The following SLC35D4 variants were observed in gnomAD, a reference collection of about 807,000 sequenced individuals.
SLC35D4 encodes the protein solute carrier family 35 member D4.
chr18:23,414,770 G>A, the SLC35D4 span, among the ~76,000 whole-genome samples: 1 of 152,160 alleles, frequency 6.6e-6, no homozygotes, highest in South Asian at 2.1e-4. Context: ...GAGCCCAGGA[G>A]TTTGACGCCA....
the SLC35D4 span, among the ~76,000 whole-genome samples, chr18:23,374,839 G>A: frequency 6.6e-6 from 1 of 152,048 alleles, no homozygotes; most frequent in Non-Finnish European, 1.5e-5. Flanking sequence ...ATTGTGCCAG[G>A]TATGGTGGCT....
At chr18:23,355,033 G>A in the SLC35D4 span, among the ~76,000 whole-genome samples, 1 of 151,976 alleles carries the variant, frequency 6.6e-6, no homozygotes, top group Non-Finnish European at 1.5e-5. Flanking sequence ...CCCCTCCTGA[G>A]CCCCCCCAGA....
the SLC35D4 span, chr18:23,370,140 T>C: frequency 4.5e-6 from 6 of 1,331,210 alleles, no homozygotes; most frequent in East Asian, 5.1e-5. Flanking sequence ...GACCGCGCCA[T>C]TGCACTCCAG....
the SLC35D4 span, among the ~76,000 whole-genome samples, chr18:23,421,073 G>A: frequency 1.6e-4 from 24 of 151,554 alleles, no homozygotes; most frequent in African/African-American, 5.1e-4. Flanking sequence ...GTGAAACCCC[G>A]TCTCTACTAA....
chr18:23,294,984 C>T, the SLC35D4 span, among the ~76,000 whole-genome samples: 2 of 151,952 alleles, frequency 1.3e-5, no homozygotes, highest in Admixed American at 1.3e-4. Context: ...TTAAATGGCA[C>T]TTGGAAAGAC....
chr18:23,421,200 T>C, the SLC35D4 span, among the ~76,000 whole-genome samples: 1 of 152,084 alleles, frequency 6.6e-6, no homozygotes, highest in Non-Finnish European at 1.5e-5. Context: ...GCCAAGATCA[T>C]GCCACTGCAC....
At chr18:23,369,961 A>T in the SLC35D4 span, among the ~76,000 whole-genome samples, 1 of 152,122 alleles carries the variant, frequency 6.6e-6, no homozygotes, top group African/African-American at 2.4e-5. Flanking sequence ...CGGGCGGATC[A>T]CCTGAGGTCG....
the SLC35D4 span, among the ~76,000 whole-genome samples, chr18:23,268,824 G>C: frequency 2.0e-5 from 3 of 149,746 alleles, no homozygotes; most frequent in Non-Finnish European, 4.4e-5. Context: ...GTGTGTGTGT[G>C]TATACATACT....
the SLC35D4 span, chr18:23,421,465 T>C: frequency 6.2e-7 from 1 of 1,612,954 alleles, no homozygotes; most frequent in Non-Finnish European, 8.5e-7. Context: ...CAAGGGGCAA[T>C]GTGAATTTCA....
At chr18:23,408,178 CA>C in the SLC35D4 span, among the ~76,000 whole-genome samples, 112 of 105,638 alleles carry the variant, frequency 1.1e-3, no homozygotes, top group South Asian at 3.3e-3. Context: ...CACACACACA[CA>C]CCCCTAACCT....
At chr18:23,258,925 T>G in the SLC35D4 span, 2 of 151,316 alleles carry the variant, frequency 1.3e-5, no homozygotes, top group East Asian at 3.9e-4. Flanking sequence ...TAGATTGCAC[T>G]GAGTTTAGTC....
At chr18:23,430,579 G>A in the SLC35D4 span, 5 of 1,422,032 alleles carry the variant, frequency 3.5e-6, no homozygotes, top group Admixed American at 2.0e-5. Flanking sequence ...AAAGAATGAT[G>A]GTGGTTGGAC....
chr18:23,368,862 A>G, the SLC35D4 span: 2 of 683,926 alleles, frequency 2.9e-6, no homozygotes, highest in Admixed American at 3.4e-5. Flanking sequence ...TACTTTTATA[A>G]ATTATCCATA....
chr18:23,367,512 A>G, the SLC35D4 span, among the ~76,000 whole-genome samples: 1 of 152,106 alleles, frequency 6.6e-6, no homozygotes, highest in African/African-American at 2.4e-5. Context: ...GAGGGTGCCA[A>G]AGATGAATGG....
At chr18:23,362,267 T>G in the SLC35D4 span, among the ~76,000 whole-genome samples, 72 of 152,324 alleles carry the variant, frequency 4.7e-4, no homozygotes, top group East Asian at 0.014. Flanking sequence ...TTAGGAACGT[T>G]GTACAAAAGC....
chr18:23,412,755 G>A, the SLC35D4 span, among the ~76,000 whole-genome samples: 3 of 152,274 alleles, frequency 2.0e-5, no homozygotes, highest in African/African-American at 7.2e-5. Flanking sequence ...TCTGAAAATA[G>A]CATTTTATCG....
the SLC35D4 span, among the ~76,000 whole-genome samples, chr18:23,342,448 A>C: frequency 2.6e-5 from 4 of 152,146 alleles, no homozygotes; most frequent in African/African-American, 9.6e-5. Flanking sequence ...ATATATATAT[A>C]CTATATCTTA....
the SLC35D4 span, among the ~76,000 whole-genome samples, chr18:23,311,441 A>G: frequency 6.6e-6 from 1 of 150,588 alleles, no homozygotes; most frequent in Non-Finnish European, 1.5e-5. Flanking sequence ...TTCTGCATCT[A>G]TGGTCATAAA....
chr18:23,405,309 T>G, the SLC35D4 span, among the ~76,000 whole-genome samples: 1 of 152,168 alleles, frequency 6.6e-6, no homozygotes, highest in Non-Finnish European at 1.5e-5. Flanking sequence ...TGCCTCAACC[T>G]CCCGAGTAGC....
Sources: gnomAD v4.1 joint callset for allele counts (sites outside exome capture counted in the v4.1 genomes callset) on GRCh38, gnomAD v4.1.1 for gene constraint, MANE v1.5 for transcripts, NCBI Gene and HGNC (gene_info 2026-07-23, HGNC 2026-07-21) for gene names.